The following FARP1 variants were observed in gnomAD, a reference collection of about 807,000 sequenced individuals.
FARP1 encodes the protein FERM, ARH/RhoGEF and pleckstrin domain protein 1.
A neutral mutation model predicts 128.8 loss-of-function variants in FARP1; 52 were observed. That is an observed-to-expected ratio of 0.40 (90% CI 0.32 to 0.51). The LOEUF is 0.51. Among genes scored for constraint, FARP1 ranks in the 20% least tolerant of loss-of-function variants. The pLI is 0.45. For synonymous variants in FARP1, 580 were observed against 551.8 expected (o/e 1.05, Z -0.72); for missense variants, 1,333 against 1,367.9 (o/e 0.97, Z 0.40).
chr13:98,250,381 G>A (rs745943306), intron 2 of FARP1, among the ~76,000 whole-genome samples: 1 of 152,026 alleles, frequency 6.6e-6, no homozygotes, highest in Non-Finnish European at 1.5e-5. Context: ...GTGAAATATG[G>A]CATATTTACA....
chr13:98,274,674 G>GT (rs1328059090), intron 2 of FARP1, among the ~76,000 whole-genome samples: 3 of 152,098 alleles, frequency 2.0e-5, no homozygotes, highest in African/African-American at 7.2e-5. Context: ...ATCCTCCCCA[G>GT]CAGACTTCCT....
intron 13 of FARP1, 114 bp downstream of exon 13, chr13:98,395,590 C>G (rs1890500508): frequency 2.3e-6 from 3 of 1,278,998 alleles, no homozygotes; most frequent in East Asian, 2.4e-5. Flanking sequence ...ATCCCGGTCC[C>G]GATCCCGGTC....
At chr13:98,414,146 G>A (rs775792118) in intron 16 of FARP1, among the ~76,000 whole-genome samples, 1 of 152,230 alleles carries the variant, frequency 6.6e-6, no homozygotes, top group Non-Finnish European at 1.5e-5. Flanking sequence ...CTGTGAAAGA[G>A]TAGTGAGTTG....
intron 1 of FARP1, among the ~76,000 whole-genome samples, chr13:98,206,151 C>T (rs1880248527): frequency 6.7e-6 from 1 of 150,164 alleles, no homozygotes; most frequent in Non-Finnish European, 1.5e-5. Context: ...GTGTTCCATA[C>T]TAATAGGAAT....
chr13:98,196,107 G>A (rs1879555193), intron 1 of FARP1, among the ~76,000 whole-genome samples: 1 of 152,186 alleles, frequency 6.6e-6, no homozygotes, highest in African/African-American at 2.4e-5. Context: ...TTTCTCCTGA[G>A]GCATCCTCAG....
At position 98,143,402 on chromosome 13, in the gene FARP1, G is replaced by C. The variant is rs1248862108; in HGVS notation, c.-114G>C. ...CCCGCGGGTATTAATAGCCGGCGCC[G>C]CCGCGCCCTCGGCCGCCGGGGGCTT... is the stretch of plus-strand genomic sequence containing the variant. On this transcript the variant is annotated 5_prime_UTR_variant, in exon 1 of 27. Coordinates refer to ENST00000319562, the MANE Select transcript of FARP1 (RefSeq NM_005766.4). The C allele has an allele frequency of 6.6e-6, 1 of 150,472 alleles. No homozygotes were observed. Among genetic ancestry groups the C allele is most frequent in the Non-Finnish European group, 1.5e-5 (1 of 67,254 alleles). 9.3% of individuals were successfully genotyped at this position (150,472 alleles called of 1,614,324 possible). A position where few individuals can be genotyped will look rare whatever the true frequency, so the allele number is the denominator to read the frequency against.
In FARP1 at chr13:98,216,498, A is replaced by T. The variant is rs1292699209; in HGVS notation, c.171+3085A>T. On this transcript the variant is annotated intron_variant, in intron 2 of 26. Coordinates refer to ENST00000319562, the MANE Select transcript of FARP1 (RefSeq NM_005766.4). Reference sequence around the variant, plus strand: ...ACGCAGCTGAGCTGGGCACGTGGCCAGAAGTCCCTGCAGTTTCCTTTGGGG... The same window carrying T: ...ACGCAGCTGAGCTGGGCACGTGGCCTGAAGTCCCTGCAGTTTCCTTTGGGG... Among the ~76,000 whole-genome samples, 4 of 152,356 alleles carry T rather than the reference A, an allele frequency of 2.6e-5. No individual in the cohort carries two copies. The East Asian group carries it at 7.7e-4, about 29-fold the overall frequency.
intron 2 of FARP1, among the ~76,000 whole-genome samples, chr13:98,225,682 G>GA (rs1881716526): frequency 6.6e-6 from 1 of 152,250 alleles, no homozygotes; most frequent in Admixed American, 6.5e-5. Flanking sequence ...TGGTTCAGCA[G>GA]AAACCAAGAC....
chr13:98,292,404 A>C (rs947060959), intron 2 of FARP1, among the ~76,000 whole-genome samples: 1 of 152,252 alleles, frequency 6.6e-6, no homozygotes, highest in African/African-American at 2.4e-5. Flanking sequence ...TGGTGGGGGA[A>C]AGCCATGGGG....
rs546285525 is a variant in FARP1, at chr13:98,240,617, A to G, written c.171+27204A>G. 7.3e-4 allele frequency among the ~76,000 whole-genome samples: 111 copies of G among 152,370 alleles called. 1 individual carries two copies. Among genetic ancestry groups the G allele is most frequent in the Middle Eastern group, 3.4e-3 (1 of 294 alleles). On this transcript the variant is annotated intron_variant, in intron 2 of 26. Transcript: ENST00000319562. ...AAACATTAGAGCTGAGATGAAAAGG[A>G]AAAGAAATCATCTGACCAGCAAGAC...
At chr13:98,146,798 CTGT>C (rs937313925) in intron 1 of FARP1, among the ~76,000 whole-genome samples, 9 of 152,186 alleles carry the variant, frequency 5.9e-5, no homozygotes, top group Non-Finnish European at 8.8e-5. Context: ...AGTCTCTCTC[CTGT>C]TGTTTGGTGC....
At position 98,451,377 on chromosome 13, in the gene FARP1, A is replaced by G. The variant is rs1893185871; in HGVS notation, c.*3060A>G. 1 of 152,182 alleles carries G rather than the reference A, an allele frequency of 6.6e-6. No homozygotes were observed. The highest frequency in any genetic ancestry group is 6.5e-5 in the Admixed American group (1 of 15,284). 9.4% of individuals were successfully genotyped at this position (152,182 alleles called of 1,614,324 possible). ...CTTCTCCAATTTTATTATTCAACAT[A>G]ACATTCTTGTATGGAGTAATGAGTA... On this transcript the variant is annotated 3_prime_UTR_variant, in exon 27 of 27. Transcript: ENST00000319562.
chr13:98,164,776 T>C (rs1305867744), intron 1 of FARP1, among the ~76,000 whole-genome samples: 4 of 152,090 alleles, frequency 2.6e-5, no homozygotes, highest in African/African-American at 9.7e-5. Flanking sequence ...GAGAGGTTTG[T>C]CAGTTAGAAT....
chr13:98,403,269 A>G (rs1017396717), intron 13 of FARP1: 2 of 152,204 alleles, frequency 1.3e-5, no homozygotes, highest in Admixed American at 1.3e-4. Context: ...TGCTCTTCCA[A>G]CAAGGCTTGC....
Position 98,407,197 on chromosome 13 carries a change from C to T in FARP1, c.1415-2141C>T, listed in dbSNP as rs377515175. Reference sequence around the variant, plus strand: ...CAGTGCGAGAGCTGAAGGTAAGCCCCGGATGTTGCCAGATTACGGTGGACA... The same window carrying T: ...CAGTGCGAGAGCTGAAGGTAAGCCCTGGATGTTGCCAGATTACGGTGGACA... On this transcript the variant is annotated intron_variant, in intron 13 of 26. Transcript: ENST00000319562. 4 of 152,724 alleles carry T rather than the reference C, an allele frequency of 2.6e-5. No homozygotes were observed. The East Asian group carries it at 7.7e-4, about 29-fold the overall frequency. 9.5% of individuals were successfully genotyped at this position (152,724 alleles called of 1,614,324 possible).
intron 2 of FARP1, among the ~76,000 whole-genome samples, chr13:98,216,711 A>G (rs1881081525): frequency 1.3e-5 from 2 of 152,184 alleles, no homozygotes; most frequent in South Asian, 4.1e-4. Flanking sequence ...AAAAATTATT[A>G]TTAAAGAGAT....
intron 6 of FARP1, among the ~76,000 whole-genome samples, chr13:98,379,172 C>CTATATATAATATATATATAATATATAATA (rs1889777618): frequency 2.4e-5 from 2 of 83,342 alleles, no homozygotes; most frequent in Non-Finnish European, 4.4e-5. Flanking sequence ...AATATATAAT[C>CTATATATAATATATATATAATATATAATA]TATATATAAT....
rs9582211 is a variant in FARP1, at chr13:98,319,801, C to T, written c.172-23961C>T. Among the ~76,000 whole-genome samples the T allele has an allele frequency of 4.9e-3, 741 of 152,160 alleles. 11 individuals carry two copies. The highest frequency in any genetic ancestry group is 0.017 in the African/African-American group (703 of 41,510). The stretch of plus-strand genomic sequence containing the variant: ...AGTAGATTTATAGCAAAACCAAGTC[C>T]AGTCTTTATCTTTGAAATCTGGATA... On this transcript the variant is annotated intron_variant, in intron 2 of 26. Coordinates refer to ENST00000319562, the MANE Select transcript of FARP1 (RefSeq NM_005766.4).
chr13:98,343,741 C>T, intron 2 of FARP1, 21 bp from the exon 3 acceptor site: 1 of 1,560,022 alleles, frequency 6.4e-7, no homozygotes, highest in Non-Finnish European at 8.8e-7. Flanking sequence ...CAGGGATAAC[C>T]CCTGTTGTTT....
Sources: allele counts gnomAD v4.1 joint callset (sites outside exome capture counted in the v4.1 genomes callset), GRCh38; gene constraint gnomAD v4.1.1; transcripts MANE v1.5; gene names NCBI Gene and HGNC (gene_info 2026-07-23, HGNC 2026-07-21).